Variants in FMNL2 observed in about 807,000 individuals in gnomAD.
The protein encoded by FMNL2 is formin-like protein 2.
FMNL2 carries 51 observed loss-of-function variants against 130.2 expected under a neutral mutation model. The ratio of observed to expected loss-of-function variants is 0.39; its 90% CI spans 0.31 to 0.49. FMNL2 has a LOEUF of 0.49. FMNL2 is among the 20% of genes least tolerant of loss of function. The probability of loss-of-function intolerance (pLI) is 0.85; values close to 1 mark genes in which losing one functional copy is unlikely to be tolerated. For synonymous variants in FMNL2, 465 were observed against 467.1 expected (o/e 1.00, Z 0.06); for missense variants, 977 against 1,316.2 (o/e 0.74, Z 3.99).
intron 15 of FMNL2, among the ~76,000 whole-genome samples, chr2:152,620,335 G>A (rs1410283165): frequency 1.3e-5 from 2 of 152,084 alleles, no homozygotes; most frequent in African/African-American, 2.4e-5. Context: ...CCAACCAGAA[G>A]ATAGAAAACA....
At chr2:152,544,818 G>C (rs35532975) in intron 3 of FMNL2, among the ~76,000 whole-genome samples, 5,710 of 152,270 alleles carry the variant, frequency 0.037, 157 homozygotes, top group Middle Eastern at 0.082. Context: ...GAAGGAAGAG[G>C]TGGGCTTCCT....
intron 1 of FMNL2, among the ~76,000 whole-genome samples, chr2:152,368,319 C>G (rs1451440273): frequency 2.6e-5 from 4 of 152,002 alleles, no homozygotes; most frequent in Non-Finnish European, 4.4e-5. Flanking sequence ...TCTCTGTTTC[C>G]TAGATAAGTT....
chr2:152,387,022 G>A (rs1222969712), intron 1 of FMNL2, among the ~76,000 whole-genome samples: 2 of 152,096 alleles, frequency 1.3e-5, no homozygotes, highest in Non-Finnish European at 2.9e-5. Context: ...AAAGAAAAAG[G>A]TCATGAGGGA....
rs1355876160 is a variant in FMNL2, at chr2:152,428,549, T to C, written c.117+92829T>C. ...TTATTGCATAATTTAAGAGCCTTTT[T>C]CCTTTTGCTGCATCAAATATATGGT... On this transcript the variant is annotated intron_variant, in intron 1 of 25. Transcript: ENST00000288670. Among the ~76,000 whole-genome samples the C allele has an allele frequency of 2.0e-5, 3 of 152,346 alleles. No individual in the cohort carries two copies. In the East Asian group the frequency reaches 5.8e-4, roughly 29 times the overall value.
intron 1 of FMNL2, among the ~76,000 whole-genome samples, chr2:152,495,323 A>T (rs527546600): frequency 1.3e-5 from 2 of 152,078 alleles, no homozygotes; most frequent in Non-Finnish European, 2.9e-5. Context: ...TACGTAGATC[A>T]TATTATCAGA....
chr2:152,519,098 G>A (rs116185901), intron 1 of FMNL2, among the ~76,000 whole-genome samples: 1 of 151,960 alleles, frequency 6.6e-6, no homozygotes, highest in African/African-American at 2.4e-5. Flanking sequence ...GGCTTCCCTT[G>A]TTCACTGTGC....
At chr2:152,377,911 C>T (rs926972473) in intron 1 of FMNL2, among the ~76,000 whole-genome samples, 1 of 151,974 alleles carries the variant, frequency 6.6e-6, no homozygotes, top group African/African-American at 2.4e-5. Context: ...GTAGGCAAAT[C>T]GCTTGAACCC....
rs1553482729 is a variant in FMNL2 at position 152,590,008 on chromosome 2, T to TATAC, written c.876+8960_876+8961insTACA. Among the ~76,000 whole-genome samples the TATAC allele has an allele frequency of 5.6e-3, 469 of 83,556 alleles. 6 individuals are homozygous for TATAC. Among genetic ancestry groups the TATAC allele is most frequent in the South Asian group, 0.018 (49 of 2,714 alleles). The allele number at this position is 83,556 out of a possible 152,430, so 54.8% of individuals were successfully genotyped here. ...ATGTATATGTATATGTATATATATATACATATACATATATATATACATATA... is the reference window on the plus strand; with the variant it reads ...ATGTATATGTATATGTATATATATATATACACATATACATATATATATACATATA... On this transcript the variant is annotated intron_variant, in intron 9 of 25. Transcript: ENST00000288670.
intron 1 of FMNL2, among the ~76,000 whole-genome samples, chr2:152,479,721 T>G (rs1050133536): frequency 1.9e-5 from 1 of 51,522 alleles, no homozygotes; most frequent in Non-Finnish European, 3.1e-5. Context: ...GTGGGTTGTT[T>G]TTTTTTTTTT....
intron 1 of FMNL2, among the ~76,000 whole-genome samples, chr2:152,512,107 T>G (rs1431590878): frequency 6.6e-6 from 1 of 152,200 alleles, no homozygotes; most frequent in African/African-American, 2.4e-5. Flanking sequence ...TTCTAGCATC[T>G]CAAGTGTGGC....
At chr2:152,500,794 G>A (rs1691782596) in intron 1 of FMNL2, among the ~76,000 whole-genome samples, 1 of 148,744 alleles carries the variant, frequency 6.7e-6, no homozygotes. Context: ...AGGTTGCAGT[G>A]AGCCGAGATC....
In FMNL2 at chr2:152,619,552, G is replaced by GCCACCCCCCCCCCCCCCCCCCCCCC; in HGVS notation, c.1673_1674insACCCCCCCCCCCCCCCCCCCCCCCC (p.Pro568SerfsTer21). ...CACCACCTATGCCACCGCCGCCGCC[G>GCCACCCCCCCCCCCCCCCCCCCCCC]CCCCCTCCTCCACCTCCTCCTCCCC... On this transcript the variant is annotated frameshift_variant, in exon 15 of 26. Coordinates refer to ENST00000288670, the MANE Select transcript of FMNL2 (RefSeq NM_052905.4). LOFTEE classifies it high-confidence loss of function. 4.2e-6 allele frequency: 6 copies of GCCACCCCCCCCCCCCCCCCCCCCCC among 1,417,676 alleles called. No homozygotes were observed. The South Asian group carries it at 5.1e-5, about 12-fold the overall frequency. The allele number at this position is 1,417,676 out of a possible 1,614,324, so 87.8% of individuals were successfully genotyped here.
intron 1 of FMNL2, among the ~76,000 whole-genome samples, chr2:152,380,376 G>A (rs1175034069): frequency 6.6e-6 from 1 of 152,198 alleles, no homozygotes. Context: ...ACCTTCAAAT[G>A]ATTTATCTCT....
At chr2:152,498,805 A>G (rs1691654570) in intron 1 of FMNL2, among the ~76,000 whole-genome samples, 1 of 152,246 alleles carries the variant, frequency 6.6e-6, no homozygotes, top group Non-Finnish European at 1.5e-5. Flanking sequence ...AAAACTGAAG[A>G]CAAACAAATG....
At chr2:152,523,628 A>G (rs1693225372) in intron 2 of FMNL2, among the ~76,000 whole-genome samples, 1 of 152,224 alleles carries the variant, frequency 6.6e-6, no homozygotes, top group Non-Finnish European at 1.5e-5. Context: ...AAATTAGTGC[A>G]TTGAATCTGT....
chr2:152,407,121 GTGTT>G (rs777241961), intron 1 of FMNL2, among the ~76,000 whole-genome samples: 4 of 152,010 alleles, frequency 2.6e-5, no homozygotes, highest in Admixed American at 6.6e-5. Flanking sequence ...TAATTAATGA[GTGTT>G]TGTCATTATA....
At chr2:152,551,354 T>C (rs766027078) in intron 4 of FMNL2, among the ~76,000 whole-genome samples, 5 of 152,220 alleles carry the variant, frequency 3.3e-5, no homozygotes, top group Non-Finnish European at 7.3e-5. Flanking sequence ...ATTTCTTTCA[T>C]CCTTACCAGG....
intron 9 of FMNL2, among the ~76,000 whole-genome samples, chr2:152,596,172 A>C (rs575075624): frequency 6.6e-6 from 1 of 151,748 alleles, no homozygotes; most frequent in African/African-American, 2.4e-5. Flanking sequence ...CATATTGGCC[A>C]GGCTGGTCTT....
At chr2:152,642,517 A>C (rs1683183620) in intron 25 of FMNL2, among the ~76,000 whole-genome samples, 1 of 152,212 alleles carries the variant, frequency 6.6e-6, no homozygotes, top group Non-Finnish European at 1.5e-5. Context: ...CTCAGTGTAC[A>C]TAGTGCAGTG....
Sources: allele counts gnomAD v4.1 joint callset (sites outside exome capture counted in the v4.1 genomes callset), GRCh38; gene constraint gnomAD v4.1.1; transcripts MANE v1.5; gene names NCBI Gene and HGNC (gene_info 2026-07-23, HGNC 2026-07-21).